SYNE2: variants seen among roughly 807,000 people sequenced by gnomAD.
The protein encoded by SYNE2 is spectrin repeat containing nuclear envelope protein 2, also known as nesprin-2.
In SYNE2, 431 loss-of-function variants were observed where a neutral mutation model predicts 856.3. That is an observed-to-expected ratio of 0.50 (90% CI 0.47 to 0.55). The LOEUF (loss-of-function observed/expected upper bound fraction) is 0.55. Ranked by LOEUF, SYNE2 falls within the 20% of genes least tolerant of loss-of-function variation. The probability of loss-of-function intolerance (pLI) is 0.00; values close to 1 mark genes in which losing one functional copy is unlikely to be tolerated. For missense variants in SYNE2, 8,129 were observed against 8,023.2 expected, an observed-to-expected ratio of 1.01 and a Z score of -0.50; for synonymous variants, 2,923 against 2,872.3, an observed-to-expected ratio of 1.02 and a Z score of -0.56.
At chr14:63,849,528 T>G (rs936032622), upstream of SYNE2, among the ~76,000 whole-genome samples, 1 of 152,188 alleles carries the variant, frequency 6.6e-6, no homozygotes, top group African/African-American at 2.4e-5. Flanking sequence ...TTAATCAACT[T>G]GTATACTTCC....
At chr14:64,172,266 T>G (rs986285910) in intron 94 of SYNE2, among the ~76,000 whole-genome samples, 1 of 152,200 alleles carries the variant, frequency 6.6e-6, no homozygotes. Context: ...TCATTCTGTC[T>G]CGTCATTCTT....
In SYNE2 at chr14:64,093,345, A is replaced by G. The variant is rs771934420; in HGVS notation, c.11977-4A>G. ...GATTCTTTTTTGTGGGGGTTATTTT[A>G]TAGGTAGTCATAAAACAGACCAATG... On this transcript the variant is annotated splice_region_variant and splice_polypyrimidine_tract_variant and intron_variant, in intron 60 of 115. Coordinates refer to ENST00000555002, the MANE Select transcript of SYNE2 (RefSeq NM_182914.3). 1.7e-5 allele frequency: 27 copies of G among 1,613,682 alleles called. No individual in the cohort carries two copies. Among genetic ancestry groups the G allele is most frequent in the Non-Finnish European group, 2.3e-5 (27 of 1,179,664 alleles).
At chr14:63,875,773 C>G (rs2094701398) in intron 1 of SYNE2, among the ~76,000 whole-genome samples, 1 of 152,108 alleles carries the variant, frequency 6.6e-6, no homozygotes, top group African/African-American at 2.4e-5. Context: ...ATTGCTTTTT[C>G]TGTCTTTTGG....
chr14:64,173,690 C>T lies in SYNE2; in HGVS notation c.17236-1254C>T, dbSNP rs116529113. Among the ~76,000 whole-genome samples, 383 of 150,762 alleles carry T rather than the reference C, an allele frequency of 2.5e-3. 1 individual carries two copies. Among genetic ancestry groups the T allele is most frequent in the African/African-American group, 8.9e-3 (367 of 41,016 alleles). The stretch of plus-strand genomic sequence containing the variant: ...GTGGCGTGATCATAGCTCACTGTAA[C>T]CTCAAACTTCTGGTGAGGCTACCTC... On this transcript the variant is annotated intron_variant, in intron 94 of 115. Transcript: ENST00000555002.
chr14:64,137,435 G>C (rs2098102907), intron 78 of SYNE2, among the ~76,000 whole-genome samples: 1 of 152,086 alleles, frequency 6.6e-6, no homozygotes, highest in Non-Finnish European at 1.5e-5. Flanking sequence ...ATTTTTAGTA[G>C]AGAGGAGGTT....
intron 51 of SYNE2, among the ~76,000 whole-genome samples, chr14:64,067,286 A>G (rs2097365248): frequency 6.6e-6 from 1 of 152,228 alleles, no homozygotes; most frequent in Non-Finnish European, 1.5e-5. Flanking sequence ...TCAGAGCACT[A>G]TTCAAGAATT....
intron 98 of SYNE2, 69 bp from the exon 99 acceptor site, chr14:64,190,002 T>C (rs1343994720): frequency 1.0e-5 from 16 of 1,557,282 alleles, no homozygotes; most frequent in Non-Finnish European, 1.1e-5. Context: ...GGTAACTCTA[T>C]GTCTGTGGCT....
Position 64,165,392 on chromosome 14 carries a change from A to G in SYNE2, c.16587A>G (p.Glu5529=), listed in dbSNP as rs781145810. 6.2e-7 allele frequency: 1 copy of G among 1,613,946 alleles called. No individual in the cohort carries two copies. The highest frequency in any genetic ancestry group is 8.5e-7 in the Non-Finnish European group (1 of 1,179,976). ...NLDRLHQQEK[E]NPDSFLNHVL... ...ATAGACTTCACCAACAGGAAAAAGAAAATCCTGACTCATTCCTGGTATTGC... is the reference window on the plus strand; with the variant it reads ...ATAGACTTCACCAACAGGAAAAAGAGAATCCTGACTCATTCCTGGTATTGC... The change falls in exon 90 of 116, where the codon GAA becomes GAG. Residue 5529 remains glutamate, a synonymous_variant. Transcript: ENST00000555002.
chr14:64,102,782 T>G (rs2097743362), intron 64 of SYNE2, among the ~76,000 whole-genome samples: 1 of 152,118 alleles, frequency 6.6e-6, no homozygotes, highest in Non-Finnish European at 1.5e-5. Context: ...TTTGTGTCCT[T>G]TGACCAACAT....
At position 64,080,408 on chromosome 14, in the gene SYNE2, TA is replaced by T. The variant is rs750898499; in HGVS notation, c.11164-45del. On this transcript the variant is annotated intron_variant, in intron 55 of 115. Coordinates refer to ENST00000555002, the MANE Select transcript of SYNE2 (RefSeq NM_182914.3). ...GTGTGAAAACCAGGCATTGCCTCCA[TA>T]AACTATGACCTCTTCATTCAAGTTG... The T allele has an allele frequency of 1.3e-5, 21 of 1,597,654 alleles. No individual in the cohort carries two copies. The African/African-American group carries it at 2.7e-4, about 20-fold the overall frequency.
At chr14:63,870,051 AACACAGCTC>A (rs1896481480) in intron 1 of SYNE2, among the ~76,000 whole-genome samples, 1 of 152,182 alleles carries the variant, frequency 6.6e-6, no homozygotes, top group Non-Finnish European at 1.5e-5. Context: ...ATTATTGCGA[AACACAGCTC>A]ACACCAAACA....
chr14:64,178,127 C>T (rs1377035208), intron 96 of SYNE2, among the ~76,000 whole-genome samples: 1 of 152,148 alleles, frequency 6.6e-6, no homozygotes, highest in East Asian at 1.9e-4. Context: ...TTTTTTTCTT[C>T]CTTCAGTGAC....
chr14:63,783,616 G>T (rs1887409428), intron 1 of SYNE2, among the ~76,000 whole-genome samples: 1 of 152,164 alleles, frequency 6.6e-6, no homozygotes, highest in South Asian at 2.1e-4. Context: ...TGCCAAAAAT[G>T]CATAACCTGA....
chr14:64,103,777 A>G (rs1013154215), intron 64 of SYNE2, among the ~76,000 whole-genome samples: 2 of 152,114 alleles, frequency 1.3e-5, no homozygotes, highest in Non-Finnish European at 2.9e-5. Flanking sequence ...ACCAGCCTGC[A>G]TCTTCAGTAG....
Position 64,177,378 on chromosome 14 carries a change from G to T in SYNE2, c.17451G>T (p.Lys5817Asn). The change falls in exon 96 of 116, where the codon AAG becomes AAT. Residue 5817 changes from lysine (K) to asparagine (N), a missense_variant. Around this residue, in one of 3 missense-constraint regions of SYNE2, gnomAD observed 5,410 missense variants for 5,284.8 expected, o/e 1.02. Transcript: ENST00000555002. ...AATAGACCTGGGACCAGTGTGAAAA[G>T]AAAATCAAGGAGTTGAAAAGCAGGC... is the stretch of plus-strand genomic sequence containing the variant. ...STVETWDQCE[K>N]KIKELKSRLQ... 6.2e-7 allele frequency: 1 copy of T among 1,614,120 alleles called. No individual in the cohort carries two copies. Among genetic ancestry groups the T allele is most frequent in the Non-Finnish European group, 8.5e-7 (1 of 1,180,000 alleles).
At position 64,102,031 on chromosome 14, in the gene SYNE2, A is replaced by C; in HGVS notation, c.12481A>C (p.Thr4161Pro). The C allele has an allele frequency of 6.2e-7, 1 of 1,612,868 alleles. No individual in the cohort carries two copies. Among genetic ancestry groups the C allele is most frequent in the African/African-American group, 1.3e-5 (1 of 75,010 alleles). The part of the protein sequence containing the change: ...EEDRASSSSG[T>P]IVQEAYGKIS... ...AGACAGAGCTTCCTCATCCTCTGGAACAATTGTTCAGGTAATGCTGGGCGT... is the reference window on the plus strand; with the variant it reads ...AGACAGAGCTTCCTCATCCTCTGGACCAATTGTTCAGGTAATGCTGGGCGT... The change falls in exon 64 of 116, where the codon ACA (threonine) becomes CCA (proline). Residue 4161 changes from threonine to proline, a missense_variant. This residue lies in a region of SYNE2 where 5,410 missense variants were observed against 5,284.8 expected (regional missense o/e 1.02). Transcript: ENST00000555002.
chr14:64,145,522 A>AG (rs1276177621), intron 83 of SYNE2, among the ~76,000 whole-genome samples: 1 of 151,904 alleles, frequency 6.6e-6, no homozygotes, highest in Non-Finnish European at 1.5e-5. Context: ...AAAAAAAAAA[A>AG]AAAATTATGT....
chr14:63,774,468 CAAAAA>C (rs748830808), intron 1 of SYNE2, among the ~76,000 whole-genome samples: 1 of 95,324 alleles, frequency 1.0e-5, no homozygotes. Context: ...GACTCCGTCT[CAAAAA>C]AAAAAAAAAA....
intron 1 of SYNE2, among the ~76,000 whole-genome samples, chr14:63,895,426 T>C (rs1463763990): frequency 2.0e-5 from 3 of 151,580 alleles, no homozygotes; most frequent in South Asian, 2.1e-4. Flanking sequence ...CATTTTCTAC[T>C]ACCAATTTTT....
Sources: gnomAD v4.1 joint callset for allele counts (sites outside exome capture counted in the v4.1 genomes callset) on GRCh38, gnomAD v4.1.1 for gene constraint, gnomAD v4.1.1 regional missense constraint, MANE v1.5 for transcripts, NCBI Gene and HGNC (gene_info 2026-07-23, HGNC 2026-07-21) for gene names.